Variants in CDKAL1 observed in about 807,000 individuals in gnomAD.
CDKAL1 encodes threonylcarbamoyladenosine tRNA methylthiotransferase.
Under a neutral mutation model 68.2 loss-of-function variants are expected in CDKAL1, and 32 were observed. That is an observed-to-expected ratio of 0.47 (90% CI 0.35 to 0.63). The LOEUF is 0.63. Ranked by LOEUF, CDKAL1 falls within the 30% of genes least tolerant of loss-of-function variation. The pLI is 0.00. For synonymous variants in CDKAL1, 234 were observed against 244.3 expected (o/e 0.96, Z 0.39); for missense variants, 606 against 696.7 (o/e 0.87, Z 1.47).
chr6:20,763,041 A>G (rs546924045), intron 7 of CDKAL1, among the ~76,000 whole-genome samples: 1 of 152,262 alleles, frequency 6.6e-6, no homozygotes, highest in South Asian at 2.1e-4. Flanking sequence ...ACAGAAGTGG[A>G]TATCTTCTGT....
chr6:21,104,810 C>T (rs1002806805), intron 12 of CDKAL1, among the ~76,000 whole-genome samples: 3 of 152,260 alleles, frequency 2.0e-5, no homozygotes, highest in African/African-American at 4.8e-5. Flanking sequence ...TTCCCAAAAT[C>T]GAGATAATTA....
chr6:20,897,988 A>G (rs893762919), intron 9 of CDKAL1, among the ~76,000 whole-genome samples: 1 of 152,172 alleles, frequency 6.6e-6, no homozygotes, highest in African/African-American at 2.4e-5. Context: ...AAAATTTCCA[A>G]TTCTTTGGAG....
At chr6:21,128,718 A>C (rs1582258469) in intron 13 of CDKAL1, among the ~76,000 whole-genome samples, 1 of 152,238 alleles carries the variant, frequency 6.6e-6, no homozygotes, top group East Asian at 1.9e-4. Context: ...CTGGGAAGCA[A>C]AGGCAAAAAG....
At position 21,069,804 on chromosome 6, in the gene CDKAL1, T is replaced by TA. The variant is rs1554169910; in HGVS notation, c.1236+4580dup. 2.6e-3 allele frequency among the ~76,000 whole-genome samples: 224 copies of TA among 85,498 alleles called. 8 individuals carry two copies. Among genetic ancestry groups the TA allele is most frequent in the Middle Eastern group, 9.3e-3 (1 of 108 alleles). 56.1% of individuals were successfully genotyped at this position (85,498 alleles called of 152,430 possible). The stretch of plus-strand genomic sequence containing the variant: ...TTTTTTTTTTTTTTTTTTTTTTTTT[T>TA]AAAACAGAGCCTTGCTCTGTCACCC... On this transcript the variant is annotated intron_variant, in intron 12 of 15. Transcript: ENST00000274695.
At chr6:20,697,028 A>C (rs1771138033) in intron 5 of CDKAL1, among the ~76,000 whole-genome samples, 2 of 152,180 alleles carry the variant, frequency 1.3e-5, no homozygotes, top group Admixed American at 6.5e-5. Flanking sequence ...GCTGGTCACT[A>C]TATAGAATGA....
At chr6:21,194,127 G>T (rs186877648) in intron 13 of CDKAL1, among the ~76,000 whole-genome samples, 84 of 152,298 alleles carry the variant, frequency 5.5e-4, no homozygotes, top group African/African-American at 2.0e-3. Flanking sequence ...CCTGGAGAAA[G>T]ACATTAACTG....
intron 11 of CDKAL1, among the ~76,000 whole-genome samples, chr6:21,015,872 C>T (rs560747259): frequency 3.3e-5 from 5 of 151,062 alleles, no homozygotes; most frequent in Non-Finnish European, 7.4e-5. Context: ...CACTTGGACC[C>T]AGGAGCTGGA....
At chr6:21,174,151 C>A (rs1777495203) in intron 13 of CDKAL1, among the ~76,000 whole-genome samples, 1 of 152,126 alleles carries the variant, frequency 6.6e-6, no homozygotes, top group Admixed American at 6.5e-5. Flanking sequence ...AAAAAGATCT[C>A]ATTCGCTAAA....
At chr6:20,975,891 G>A (rs1033420492) in intron 10 of CDKAL1, among the ~76,000 whole-genome samples, 1 of 152,130 alleles carries the variant, frequency 6.6e-6, no homozygotes, top group Non-Finnish European at 1.5e-5. Flanking sequence ...ATCACTCAAA[G>A]CCCATTGTTT....
chr6:20,762,671 T>C (rs1393430581), intron 7 of CDKAL1, among the ~76,000 whole-genome samples: 2 of 152,236 alleles, frequency 1.3e-5, no homozygotes, highest in Non-Finnish European at 2.9e-5. Flanking sequence ...CAGGATTAAA[T>C]GGATAAGACT....
At chr6:20,607,645 G>A (rs1310821646) in intron 4 of CDKAL1, among the ~76,000 whole-genome samples, 3 of 151,426 alleles carry the variant, frequency 2.0e-5, no homozygotes, top group Admixed American at 1.3e-4. Context: ...GTTTAAACCC[G>A]TTGCTGTTGT....
At chr6:20,745,458 TA>T (rs1042534715) in intron 6 of CDKAL1, among the ~76,000 whole-genome samples, 1 of 152,158 alleles carries the variant, frequency 6.6e-6, no homozygotes, top group African/African-American at 2.4e-5. Flanking sequence ...TATTTTTTTT[TA>T]ACTTCCGTTG....
At chr6:20,833,280 G>A (rs1360530563) in intron 8 of CDKAL1, among the ~76,000 whole-genome samples, 1 of 152,132 alleles carries the variant, frequency 6.6e-6, no homozygotes, top group South Asian at 2.1e-4. Flanking sequence ...GTATTCTTTT[G>A]GAAAGAGAGT....
At chr6:20,943,029 C>T (rs1465674239) in intron 9 of CDKAL1, among the ~76,000 whole-genome samples, 1 of 146,434 alleles carries the variant, frequency 6.8e-6, no homozygotes, top group East Asian at 2.0e-4. Context: ...CAATTCTTTT[C>T]TTTGTGTGTC....
chr6:20,545,050 C>A (rs1321871578), intron 2 of CDKAL1, among the ~76,000 whole-genome samples: 1 of 151,854 alleles, frequency 6.6e-6, no homozygotes, highest in African/African-American at 2.4e-5. Flanking sequence ...TCTTCCTAGG[C>A]TGCCCTTTGT....
rs376027999 is a variant in CDKAL1 at position 20,695,819 on chromosome 6, A to G, written c.372-43700A>G. ...TACCATTTAATCATTATTTAAGCGT[A>G]TAGTTCAGTGTCAATAAGTATATTC... On this transcript the variant is annotated intron_variant, in intron 5 of 15. Transcript: ENST00000274695. Among the ~76,000 whole-genome samples the G allele has an allele frequency of 3.3e-5, 5 of 152,320 alleles. 1 individual carries two copies. The highest frequency in any genetic ancestry group is 1.2e-4 in the African/African-American group (5 of 41,560).
intron 12 of CDKAL1, among the ~76,000 whole-genome samples, chr6:21,105,662 G>A (rs1391812775): frequency 1.3e-5 from 2 of 152,158 alleles, no homozygotes; most frequent in Non-Finnish European, 2.9e-5. Flanking sequence ...ACTGGAGGAG[G>A]TAGAAGATAC....
intron 13 of CDKAL1, among the ~76,000 whole-genome samples, chr6:21,118,916 C>T (rs544321504): frequency 1.3e-5 from 2 of 152,362 alleles, no homozygotes; most frequent in Non-Finnish European, 2.9e-5. Flanking sequence ...AGCTACAATG[C>T]TTAAAACAGA....
At chr6:21,230,517 A>G (rs1779923421) in intron 15 of CDKAL1, among the ~76,000 whole-genome samples, 1 of 152,028 alleles carries the variant, frequency 6.6e-6, no homozygotes, top group Middle Eastern at 3.2e-3. Flanking sequence ...GCATCTCTCT[A>G]AGAGTTAAAT....
Sources: allele counts gnomAD v4.1 joint callset (sites outside exome capture counted in the v4.1 genomes callset), GRCh38; gene constraint gnomAD v4.1.1; transcripts MANE v1.5; gene names NCBI Gene and HGNC (gene_info 2026-07-23, HGNC 2026-07-21).